Variants in RIT2 observed in about 807,000 individuals in gnomAD.
The protein encoded by RIT2 is Ras like without CAAX 2.
Under a neutral mutation model 23.7 loss-of-function variants are expected in RIT2, and 24 were observed. The observed-to-expected ratio is 1.01, with a 90% CI of 0.73 to 1.43. RIT2 has a LOEUF of 1.43. Ranked by LOEUF, RIT2 falls within the 40% of genes most tolerant of loss-of-function variation. The probability of loss-of-function intolerance (pLI) is 0.00; values close to 1 mark genes in which losing one functional copy is unlikely to be tolerated. For synonymous variants in RIT2, 107 were observed against 91.1 expected (o/e 1.17, Z -0.99); for missense variants, 236 against 266.9 (o/e 0.88, Z 0.81).
intron 2 of RIT2, among the ~76,000 whole-genome samples, chr18:43,015,832 T>C (rs1445520383): frequency 6.6e-6 from 1 of 151,664 alleles, no homozygotes; most frequent in African/African-American, 2.4e-5. Context: ...CTCTTAGAAG[T>C]AGAGTAAAAC....
intron 3 of RIT2, among the ~76,000 whole-genome samples, chr18:42,943,272 T>C (rs1909647854): frequency 6.6e-6 from 1 of 152,096 alleles, no homozygotes; most frequent in Admixed American, 6.6e-5. Context: ...TGCTGATTGG[T>C]ACATTTTACA....
At chr18:43,015,329 C>T (rs980436168) in intron 2 of RIT2, among the ~76,000 whole-genome samples, 1 of 151,536 alleles carries the variant, frequency 6.6e-6, no homozygotes, top group African/African-American at 2.4e-5. Context: ...AGATGGATAG[C>T]AATGTCATTC....
chr18:42,743,381 A>C lies in RIT2; in HGVS notation c.*112T>G, dbSNP rs1912837347. On this transcript the variant is annotated 3_prime_UTR_variant, in exon 5 of 5. Transcript: ENST00000326695. ...AGAGCTTGCTTTTACCTACAGGCAG[A>C]TATTTAAAGAGAGAGAGACACATAG... The C allele has an allele frequency of 1.3e-6, 1 of 779,924 alleles. No individual in the cohort carries two copies. 48.3% of individuals were successfully genotyped at this position (779,924 alleles called of 1,614,324 possible). A position where few individuals can be genotyped will look rare whatever the true frequency, so the allele number is the denominator to read the frequency against.
At chr18:42,975,177 A>G (rs369616104) in intron 2 of RIT2, among the ~76,000 whole-genome samples, 149 of 152,058 alleles carry the variant, frequency 9.8e-4, no homozygotes, top group African/African-American at 3.4e-3. Flanking sequence ...ATGGTATCTC[A>G]TTGTGTTTTT....
chr18:42,941,744 C>T (rs533367518), intron 3 of RIT2, among the ~76,000 whole-genome samples: 2 of 152,122 alleles, frequency 1.3e-5, no homozygotes, highest in African/African-American at 4.8e-5. Context: ...TTTTACAGTG[C>T]TGTTGGTCAA....
Position 43,071,969 on chromosome 18 carries a change from TTTG to T in RIT2, c.104-38105_104-38103del, listed in dbSNP as rs148927597. Among the ~76,000 whole-genome samples the T allele has an allele frequency of 7.4e-4, 112 of 151,452 alleles. 1 individual carries two copies. Among genetic ancestry groups the T allele is most frequent in the African/African-American group, 2.0e-3 (83 of 41,298 alleles). ...GAAAATTCATTTATGCCTCTAGTGTTTTGTTGTTGTTGTTGTTGTTGTTGTTTT... is the reference window on the plus strand; with the variant it reads ...GAAAATTCATTTATGCCTCTAGTGTTTTGTTGTTGTTGTTGTTGTTGTTTT... On this transcript the variant is annotated intron_variant, in intron 1 of 4. Coordinates refer to ENST00000326695, the MANE Select transcript of RIT2 (RefSeq NM_002930.4).
chr18:42,984,999 A>G (rs1325296772), intron 2 of RIT2, among the ~76,000 whole-genome samples: 1 of 152,098 alleles, frequency 6.6e-6, no homozygotes, highest in Non-Finnish European at 1.5e-5. Context: ...TCTATTCATG[A>G]AAAATATTGT....
intron 4 of RIT2, among the ~76,000 whole-genome samples, chr18:42,850,051 T>C (rs964161110): frequency 4.6e-5 from 7 of 151,326 alleles, no homozygotes; most frequent in African/African-American, 1.7e-4. Flanking sequence ...GAAAGTATAA[T>C]TTTAATTTAA....
intron 4 of RIT2, among the ~76,000 whole-genome samples, chr18:42,789,456 T>G (rs1302206159): frequency 6.6e-6 from 1 of 152,232 alleles, no homozygotes; most frequent in African/African-American, 2.4e-5. Flanking sequence ...ATTCTTCTGG[T>G]CCATGAGCAT....
intron 4 of RIT2, among the ~76,000 whole-genome samples, chr18:42,898,085 C>T (rs1908378836): frequency 6.6e-6 from 1 of 152,058 alleles, no homozygotes; most frequent in South Asian, 2.1e-4. Flanking sequence ...TTGTAGGCTC[C>T]CTAACTTGGG....
chr18:43,042,296 A>T (rs1161003816), intron 1 of RIT2, among the ~76,000 whole-genome samples: 1 of 152,108 alleles, frequency 6.6e-6, no homozygotes, highest in African/African-American at 2.4e-5. Context: ...ATTCTGCAAT[A>T]CCTCTTTCTT....
intron 4 of RIT2, among the ~76,000 whole-genome samples, chr18:42,840,984 T>C (rs1033728684): frequency 6.6e-6 from 1 of 152,204 alleles, no homozygotes; most frequent in African/African-American, 2.4e-5. Flanking sequence ...ATTTCCACAG[T>C]GGAATTTGCA....
intron 4 of RIT2, among the ~76,000 whole-genome samples, chr18:42,892,069 A>G (rs926438583): frequency 6.6e-6 from 1 of 152,180 alleles, no homozygotes; most frequent in Admixed American, 6.5e-5. Flanking sequence ...ACTCTAAAAA[A>G]TAAAGCCTAT....
chr18:42,922,172 T>C (rs1347646583), intron 4 of RIT2, among the ~76,000 whole-genome samples: 1 of 152,158 alleles, frequency 6.6e-6, no homozygotes. Context: ...TTGCACTAAA[T>C]CATAGAAATA....
At chr18:42,790,292 A>AC (rs1315482920) in intron 4 of RIT2, among the ~76,000 whole-genome samples, 1 of 152,158 alleles carries the variant, frequency 6.6e-6, no homozygotes, top group African/African-American at 2.4e-5. Context: ...TCCTATTCAA[A>AC]TAACACCCGA....
At chr18:42,998,704 A>G (rs558253228) in intron 2 of RIT2, among the ~76,000 whole-genome samples, 1 of 152,100 alleles carries the variant, frequency 6.6e-6, no homozygotes, top group African/African-American at 2.4e-5. Flanking sequence ...ATTACTAGAT[A>G]TCAAGATCAT....
intron 2 of RIT2, among the ~76,000 whole-genome samples, chr18:43,031,386 A>G (rs986982700): frequency 3.3e-5 from 5 of 151,750 alleles, no homozygotes; most frequent in Admixed American, 6.6e-5. Context: ...ACCCGTGAAC[A>G]GACCAATACT....
At chr18:42,962,355 A>C (rs184179541) in intron 3 of RIT2, among the ~76,000 whole-genome samples, 244 of 152,330 alleles carry the variant, frequency 1.6e-3, no homozygotes, top group African/African-American at 5.4e-3. Context: ...CTATTTTTAT[A>C]CTTTGAGGGC....
intron 3 of RIT2, among the ~76,000 whole-genome samples, chr18:42,929,034 G>GATATAGATATATATATAT (rs1909256103): frequency 2.1e-5 from 2 of 96,956 alleles, no homozygotes; most frequent in African/African-American, 7.9e-5. Context: ...AAAATATGGA[G>GATATAGATATATATATAT]ATATATATAT....
Sources: allele counts gnomAD v4.1 joint callset (sites outside exome capture counted in the v4.1 genomes callset), GRCh38; gene constraint gnomAD v4.1.1; transcripts MANE v1.5; gene names NCBI Gene and HGNC (gene_info 2026-07-23, HGNC 2026-07-21).